Variants in TRIM44 observed in about 807,000 individuals in gnomAD.
TRIM44 encodes tripartite motif-containing protein 44.
A neutral mutation model predicts 37.4 loss-of-function variants in TRIM44; 13 were observed. That is an observed-to-expected ratio of 0.35 (90% CI 0.23 to 0.55). The LOEUF (loss-of-function observed/expected upper bound fraction) is 0.55, where lower values mean the gene tolerates loss of function less well. Ranked by LOEUF, TRIM44 falls within the 20% of genes least tolerant of loss-of-function variation. The pLI is 0.89. For missense variants in TRIM44, 426 were observed against 437.2 expected (o/e 0.97, Z 0.23); for synonymous variants, 175 against 157.2 (o/e 1.11, Z -0.85).
intron 4 of TRIM44, among the ~76,000 whole-genome samples, chr11:35,742,751 TTA>T (rs1227545884): frequency 5.1e-5 from 7 of 136,478 alleles, no homozygotes; most frequent in Admixed American, 1.6e-4. Context: ...TATATTAATG[TTA>T]TATGTTATGT....
At chr11:35,755,492 G>C (rs1296481519) in intron 4 of TRIM44, among the ~76,000 whole-genome samples, 3 of 152,028 alleles carry the variant, frequency 2.0e-5, no homozygotes, top group African/African-American at 7.2e-5. Context: ...TTGCTGTGCA[G>C]AAGCTCTTTA....
rs887015470 is a variant in TRIM44 at position 35,813,924 on chromosome 11, G to A, written c.*7539G>A. ...GAGTTTTTTTCACAGCTTTGTAAGT[G>A]ACTTTCATGCTACAGTGCTTTGCAT... On this transcript the variant is annotated 3_prime_UTR_variant, in exon 5 of 5. Transcript: ENST00000299413. 2 of 152,112 alleles carry A rather than the reference G, an allele frequency of 1.3e-5. No individual in the cohort carries two copies. The highest frequency in any genetic ancestry group is 2.4e-5 in the African/African-American group (1 of 41,414). The allele number at this position is 152,112 out of a possible 1,614,324, so 9.4% of individuals were successfully genotyped here. A position where few individuals can be genotyped will look rare whatever the true frequency, so the allele number is the denominator to read the frequency against.
At chr11:35,766,988 A>G (rs556433190) in intron 4 of TRIM44, among the ~76,000 whole-genome samples, 4 of 152,334 alleles carry the variant, frequency 2.6e-5, no homozygotes, top group East Asian at 1.9e-4. Context: ...TAAGGAATAG[A>G]TTCTCTGATA....
At chr11:35,740,257 C>T (rs72932117) in intron 4 of TRIM44, among the ~76,000 whole-genome samples, 65 of 151,482 alleles carry the variant, frequency 4.3e-4, no homozygotes, top group Non-Finnish European at 7.9e-4. Context: ...TTGGCTCCTT[C>T]TCTACTCCTG....
chr11:35,736,609 A>G (rs1047476301), intron 4 of TRIM44, among the ~76,000 whole-genome samples: 17 of 152,074 alleles, frequency 1.1e-4, no homozygotes, highest in African/African-American at 3.6e-4. Flanking sequence ...GTTGTCCCAC[A>G]TCTGCATCTC....
At chr11:35,698,272 A>G in intron 2 of TRIM44, among the ~76,000 whole-genome samples, 1 of 138,388 alleles carries the variant, frequency 7.2e-6, no homozygotes, top group Non-Finnish European at 1.5e-5. Flanking sequence ...TTATAGCAGC[A>G]TGATTTATAA....
rs577341568 is a variant in TRIM44 at position 35,735,593 on chromosome 11, G to A, written c.1007+148G>A. ...GCCTGGGATTTGAAGATCTTATTTTGTAAGACTCCCGTCTCCCTCTCATCT... is the reference window on the plus strand; with the variant it reads ...GCCTGGGATTTGAAGATCTTATTTTATAAGACTCCCGTCTCCCTCTCATCT... On this transcript the variant is annotated intron_variant, in intron 4 of 4. Transcript: ENST00000299413. The A allele has an allele frequency of 9.0e-5, 70 of 775,306 alleles. 1 individual carries two copies. The African/African-American group carries it at 1.0e-3, about 12-fold the overall frequency. The allele number at this position is 775,306 out of a possible 1,614,324, so 48.0% of individuals were successfully genotyped here. A position where few individuals can be genotyped will look rare whatever the true frequency, so the allele number is the denominator to read the frequency against.
At chr11:35,689,314 G>A (rs989097997) in intron 2 of TRIM44, among the ~76,000 whole-genome samples, 4 of 152,214 alleles carry the variant, frequency 2.6e-5, no homozygotes, top group South Asian at 4.1e-4. Flanking sequence ...GTACAAGACC[G>A]AATGAAGTTT....
At chr11:35,798,454 T>A (rs1298579347) in intron 4 of TRIM44, among the ~76,000 whole-genome samples, 1 of 152,226 alleles carries the variant, frequency 6.6e-6, no homozygotes, top group Non-Finnish European at 1.5e-5. Context: ...TAATGTATGA[T>A]GTTCATAGTA....
Position 35,816,277 on chromosome 11 carries a change from G to A in TRIM44, c.*9892G>A, listed in dbSNP as rs952924268. On this transcript the variant is annotated 3_prime_UTR_variant, in exon 5 of 5. Transcript: ENST00000299413. ...GTGAGAAAAAAAAACAGCTGAGACT[G>A]TTTCACAGAAGAGAAAATAAATAAG... is the stretch of plus-strand genomic sequence containing the variant. 1 of 152,158 alleles carries A rather than the reference G, an allele frequency of 6.6e-6. No individual in the cohort carries two copies. Among genetic ancestry groups the A allele is most frequent in the Non-Finnish European group, 1.5e-5 (1 of 68,024 alleles). 9.4% of individuals were successfully genotyped at this position (152,158 alleles called of 1,614,324 possible). A position where few individuals can be genotyped will look rare whatever the true frequency, so the allele number is the denominator to read the frequency against.
At chr11:35,774,926 G>T (rs1424858980) in intron 4 of TRIM44, among the ~76,000 whole-genome samples, 1 of 152,248 alleles carries the variant, frequency 6.6e-6, no homozygotes, top group Non-Finnish European at 1.5e-5. Context: ...CGTTCTTTTG[G>T]CTTAGGATTG....
chr11:35,762,564 A>G (rs1852743730), intron 4 of TRIM44, among the ~76,000 whole-genome samples: 1 of 152,150 alleles, frequency 6.6e-6, no homozygotes. Context: ...CCTTGCCCCC[A>G]AGTTGCTTAC....
chr11:35,769,366 A>G (rs1343602212), intron 4 of TRIM44, among the ~76,000 whole-genome samples: 1 of 152,182 alleles, frequency 6.6e-6, no homozygotes, highest in Non-Finnish European at 1.5e-5. Flanking sequence ...CCACATTCTC[A>G]TCAGTTCACA....
chr11:35,720,779 T>C (rs1467015567), intron 2 of TRIM44, among the ~76,000 whole-genome samples: 1 of 152,152 alleles, frequency 6.6e-6, no homozygotes, highest in East Asian at 1.9e-4. Context: ...CAGGTGATTT[T>C]TCTGTATCTA....
At chr11:35,787,440 G>T (rs1332067353) in intron 4 of TRIM44, among the ~76,000 whole-genome samples, 11 of 152,176 alleles carry the variant, frequency 7.2e-5, no homozygotes, top group Admixed American at 1.3e-4. Flanking sequence ...CATGCATACA[G>T]CTGGAACTAA....
intron 2 of TRIM44, among the ~76,000 whole-genome samples, chr11:35,705,678 A>C (rs1429781607): frequency 6.7e-6 from 1 of 148,332 alleles, no homozygotes; most frequent in East Asian, 2.0e-4. Flanking sequence ...TACATAACAA[A>C]ATGAAGGCAG....
At chr11:35,747,137 G>T (rs945442145) in intron 4 of TRIM44, among the ~76,000 whole-genome samples, 1 of 152,124 alleles carries the variant, frequency 6.6e-6, no homozygotes, top group Admixed American at 6.5e-5. Flanking sequence ...TCTCCCACCT[G>T]TACAGGTATT....
At chr11:35,711,638 C>A (rs1851976073) in intron 2 of TRIM44, among the ~76,000 whole-genome samples, 1 of 152,046 alleles carries the variant, frequency 6.6e-6, no homozygotes, top group African/African-American at 2.4e-5. Context: ...TGCCTATTGT[C>A]CCAGCTACTT....
chr11:35,769,247 G>A (rs572632054), intron 4 of TRIM44, among the ~76,000 whole-genome samples: 2 of 152,306 alleles, frequency 1.3e-5, no homozygotes, highest in African/African-American at 2.4e-5. Context: ...CCCATTTTCC[G>A]TCTGTGATCA....
Sources: gnomAD v4.1 joint callset for allele counts (sites outside exome capture counted in the v4.1 genomes callset) on GRCh38, gnomAD v4.1.1 for gene constraint, MANE v1.5 for transcripts, NCBI Gene and HGNC (gene_info 2026-07-23, HGNC 2026-07-21) for gene names.